The following ANKRD44 variants were observed in gnomAD, a reference collection of about 807,000 sequenced individuals.
ANKRD44 encodes serine/threonine-protein phosphatase 6 regulatory ankyrin repeat subunit B.
Under a neutral mutation model 116.0 loss-of-function variants are expected in ANKRD44, and 35 were observed. That is an observed-to-expected ratio of 0.30 (90% CI 0.23 to 0.40). The LOEUF (loss-of-function observed/expected upper bound fraction) is 0.40. Among genes scored for constraint, ANKRD44 ranks in the 10% least tolerant of loss-of-function variants. The pLI, the probability that ANKRD44 is intolerant of heterozygous loss-of-function variation, is 1.00. For synonymous variants in ANKRD44, 435 were observed against 461.8 expected, an observed-to-expected ratio of 0.94 and a Z score of 0.74; for missense variants, 1,014 against 1,242.6, an observed-to-expected ratio of 0.82 and a Z score of 2.77.
chr2:197,256,083 T>C (rs1253279441), intron 1 of ANKRD44, among the ~76,000 whole-genome samples: 1 of 152,234 alleles, frequency 6.6e-6, no homozygotes, highest in African/African-American at 2.4e-5. Flanking sequence ...AAATGTGTGA[T>C]TGATCTGTAA....
At chr2:197,263,432 T>A (rs2105741079) in intron 1 of ANKRD44, 2 of 570,756 alleles carry the variant, frequency 3.5e-6, no homozygotes, top group Non-Finnish European at 6.4e-6. Flanking sequence ...AACCCTTCTC[T>A]GAAACAACAG....
chr2:197,016,742 A>C (rs1340831331), intron 17 of ANKRD44, among the ~76,000 whole-genome samples: 2 of 152,090 alleles, frequency 1.3e-5, no homozygotes, highest in African/African-American at 2.4e-5. Context: ...CTCAGAATTC[A>C]CAAAAAAAAG....
intron 1 of ANKRD44, among the ~76,000 whole-genome samples, chr2:197,266,314 A>G (rs1184373272): frequency 6.6e-6 from 1 of 152,164 alleles, no homozygotes; most frequent in East Asian, 1.9e-4. Flanking sequence ...CTCAAATAAC[A>G]GCTAAGAACT....
At chr2:197,255,592 G>A (rs1317412216) in intron 1 of ANKRD44, among the ~76,000 whole-genome samples, 2 of 152,258 alleles carry the variant, frequency 1.3e-5, no homozygotes, top group Admixed American at 6.5e-5. Context: ...TAAATTGTAA[G>A]TTATGGCCCC....
intron 1 of ANKRD44, among the ~76,000 whole-genome samples, chr2:197,309,885 T>C (rs2084192205): frequency 1.3e-5 from 2 of 152,078 alleles, no homozygotes; most frequent in Admixed American, 6.5e-5. Flanking sequence ...AGCTGCCCTG[T>C]GTGGTGTCTC....
intron 7 of ANKRD44, 72 bp from the exon 8 acceptor site, chr2:197,121,616 A>C: frequency 2.3e-6 from 3 of 1,317,318 alleles, no homozygotes; most frequent in Non-Finnish European, 1.1e-6. Context: ...CAAAAAGCAT[A>C]ACGGCTGTGG....
chr2:197,209,432 G>T (rs998699148), intron 1 of ANKRD44, among the ~76,000 whole-genome samples: 3 of 152,194 alleles, frequency 2.0e-5, no homozygotes, highest in Non-Finnish European at 4.4e-5. Context: ...GTCGGAGAAA[G>T]GCCTGACAAA....
At chr2:197,002,784 T>C (rs956966945) in intron 21 of ANKRD44, among the ~76,000 whole-genome samples, 1 of 152,186 alleles carries the variant, frequency 6.6e-6, no homozygotes, top group South Asian at 2.1e-4. Context: ...TCAATTCTAA[T>C]GTGGGAAGGC....
chr2:196,989,654 G>C lies in ANKRD44; in HGVS notation c.2924-5C>G. On this transcript the variant is annotated splice_region_variant and splice_polypyrimidine_tract_variant and intron_variant, in intron 27 of 27. Transcript: ENST00000282272. ...GGGGTCCATTTGACCTAGAAGCTTT[G>C]GCAGAGGGAGCAGACACAGTATTCA... 6.5e-7 allele frequency: 1 copy of C among 1,550,132 alleles called. No individual in the cohort carries two copies.
chr2:196,998,835 T>A, intron 24 of ANKRD44, 72 bp downstream of exon 24: 1 of 1,577,456 alleles, frequency 6.3e-7, no homozygotes, highest in Non-Finnish European at 8.6e-7. Context: ...TGAGAACAAC[T>A]GATTTCTTGA....
intron 16 of ANKRD44, among the ~76,000 whole-genome samples, chr2:197,056,365 T>C (rs932906114): frequency 2.0e-5 from 3 of 152,244 alleles, no homozygotes; most frequent in Admixed American, 6.5e-5. Flanking sequence ...TTTCAATTTA[T>C]AGAAATAATT....
chr2:197,153,596 C>T (rs2079720836), intron 2 of ANKRD44, among the ~76,000 whole-genome samples: 1 of 152,108 alleles, frequency 6.6e-6, no homozygotes, highest in South Asian at 2.1e-4. Context: ...AAAACAAATG[C>T]CATGCTTCTT....
chr2:197,044,851 G>C (rs747769717), intron 16 of ANKRD44, among the ~76,000 whole-genome samples: 34 of 151,466 alleles, frequency 2.2e-4, no homozygotes, highest in Non-Finnish European at 4.3e-4. Flanking sequence ...TAAAAAGGAA[G>C]TTTTATGCCT....
chr2:197,099,663 A>C, intron 10 of ANKRD44, 153 bp downstream of exon 10: 1 of 1,329,254 alleles, frequency 7.5e-7, no homozygotes, highest in Non-Finnish European at 9.6e-7. Context: ...ATTAAAAGGC[A>C]CTTAATTTAT....
chr2:197,090,514 A>G (rs1179461920), intron 10 of ANKRD44, among the ~76,000 whole-genome samples: 2 of 140,942 alleles, frequency 1.4e-5, no homozygotes, highest in African/African-American at 2.7e-5. Context: ...TTTTTTTGAG[A>G]CAGAGTCTCA....
At chr2:197,269,376 C>T (rs750519927) in intron 1 of ANKRD44, among the ~76,000 whole-genome samples, 1 of 152,150 alleles carries the variant, frequency 6.6e-6, no homozygotes, top group South Asian at 2.1e-4. Flanking sequence ...GCCTTGGAAA[C>T]GGGAGCTGTA....
Position 197,103,415 on chromosome 2 carries a change from T to C in ANKRD44, c.986-3485A>G, listed in dbSNP as rs1041730379. Among the ~76,000 whole-genome samples, 7 of 152,252 alleles carry C rather than the reference T, an allele frequency of 4.6e-5. No individual in the cohort carries two copies. The South Asian group carries it at 6.2e-4, about 14-fold the overall frequency. On this transcript the variant is annotated intron_variant, in intron 9 of 27. Transcript: ENST00000282272. ...TTGGAGTTTATCTTGGTGGTGTGTTTGTTGACTGACTAAATAAATGTTCCC... is the reference window on the plus strand; with the variant it reads ...TTGGAGTTTATCTTGGTGGTGTGTTCGTTGACTGACTAAATAAATGTTCCC...
chr2:197,011,966 C>T (rs16860546), intron 18 of ANKRD44, among the ~76,000 whole-genome samples: 7,707 of 152,270 alleles, frequency 0.051, 440 homozygotes, highest in African/African-American at 0.15. Context: ...ATTTTTCACA[C>T]GACTCAAAGA....
At chr2:197,208,829 A>T (rs1208095824) in intron 1 of ANKRD44, among the ~76,000 whole-genome samples, 1 of 152,178 alleles carries the variant, frequency 6.6e-6, no homozygotes, top group Non-Finnish European at 1.5e-5. Context: ...AATAAAAAAA[A>T]GAATAGCTTT....
Sources: gnomAD v4.1 joint callset for allele counts (sites outside exome capture counted in the v4.1 genomes callset) on GRCh38, gnomAD v4.1.1 for gene constraint, MANE v1.5 for transcripts, NCBI Gene and HGNC (gene_info 2026-07-23, HGNC 2026-07-21) for gene names.